BCLAF1: variants seen among roughly 807,000 people sequenced by gnomAD.
BCLAF1 encodes the protein BCL2 associated transcription factor 1.
A neutral mutation model predicts 99.5 loss-of-function variants in BCLAF1; 10 were observed. The ratio of observed to expected loss-of-function variants is 0.10; its 90% CI spans 0.06 to 0.17. The LOEUF (loss-of-function observed/expected upper bound fraction) is 0.17. BCLAF1 is among the 10% of genes least tolerant of loss of function. BCLAF1 has a pLI of 1.00. For missense variants in BCLAF1, 636 were observed against 1,105.8 expected, an observed-to-expected ratio of 0.58 and a Z score of 6.02; for synonymous variants, 255 against 370.9, an observed-to-expected ratio of 0.69 and a Z score of 3.59.
Position 136,266,889 on chromosome 6 carries a change from T to C in BCLAF1, c.2544+140A>G. On this transcript the variant is annotated intron_variant, in intron 11 of 12. Transcript: ENST00000531224. ...CCACATTTTTCAAAATTTCAAATCG[T>C]CTGGGTAATTATTTTAAAAAAGGTT... 1.8e-6 allele frequency: 2 copies of C among 1,113,872 alleles called. 1 individual carries two copies. The highest frequency in any genetic ancestry group is 2.5e-6 in the Non-Finnish European group (2 of 800,858). 69.0% of individuals were successfully genotyped at this position (1,113,872 alleles called of 1,614,324 possible).
At chr6:136,275,042 A>G (rs1404901967) in intron 6 of BCLAF1, among the ~76,000 whole-genome samples, 2 of 152,056 alleles carry the variant, frequency 1.3e-5, no homozygotes, top group South Asian at 2.1e-4. Context: ...ATTTTTATGT[A>G]TAAAAAATTA....
At chr6:136,284,795 C>G (rs1276537268) in intron 1 of BCLAF1, among the ~76,000 whole-genome samples, 1 of 150,892 alleles carries the variant, frequency 6.6e-6, no homozygotes, top group Non-Finnish European at 1.5e-5. Context: ...AGACAGAAAA[C>G]AAGGAAAAAA....
intron 9 of BCLAF1, 101 bp from the exon 10 acceptor site, chr6:136,268,440 C>A (rs963150608): frequency 2.0e-5 from 21 of 1,027,550 alleles, no homozygotes; most frequent in Middle Eastern, 2.1e-4. Flanking sequence ...ACAACACTAT[C>A]CCCTAATAAA....
rs78273316 is a variant in BCLAF1, at chr6:136,286,177, T to G, written c.-114-3490A>C. ...CCACCCAAAATGAATTCTTTAAGAT[T>G]ACTATTTCAAGCATACTTGATCCCA... On this transcript the variant is annotated intron_variant, in intron 1 of 12. Coordinates refer to ENST00000531224, the MANE Select transcript of BCLAF1 (RefSeq NM_014739.3). Among the ~76,000 whole-genome samples the G allele has an allele frequency of 1.8e-3, 274 of 152,290 alleles. 1 individual carries two copies. The highest frequency in any genetic ancestry group is 6.4e-3 in the African/African-American group (264 of 41,552).
Position 136,269,563 on chromosome 6 carries a change from T to C in BCLAF1, c.2093A>G (p.Asp698Gly), listed in dbSNP as rs1309278076. The change falls in exon 9 of 13, where the codon GAT becomes GGT. Residue 698 changes from aspartate to glycine, a missense_variant. This residue lies in a region of BCLAF1 where 180 missense variants were observed against 270.0 expected (regional missense o/e 0.67). Coordinates refer to ENST00000531224, the MANE Select transcript of BCLAF1 (RefSeq NM_014739.3). ...TTTACTTCTTTCTTTTCTACGGCGA[T>C]CAATGTCATGCCGAAGGTCAGCAGA... is the stretch of plus-strand genomic sequence containing the variant. ...CDSADLRHDI[D>G]RRRKERSKER... 2 of 1,612,042 alleles carry C rather than the reference T, an allele frequency of 1.2e-6. No homozygotes were observed. Among genetic ancestry groups the C allele is most frequent in the Admixed American group, 3.4e-5 (2 of 59,674 alleles).
At chr6:136,261,587 G>A (rs1781010868) in intron 11 of BCLAF1, 110 bp from the exon 12 acceptor site, 2 of 1,114,646 alleles carry the variant, frequency 1.8e-6, no homozygotes, top group South Asian at 1.5e-5. Flanking sequence ...ATATGAGATT[G>A]GTAATATTCT....
rs576920613 is a variant in BCLAF1, at chr6:136,289,473, G to A, written c.-115+240C>T. ...GCGCGGGCTGTGGGTCTCCAGGCAG[G>A]TTCGCAAACACGCGCGCGCCCGCCG... On this transcript the variant is annotated intron_variant, in intron 1 of 12. Transcript: ENST00000531224. Among the ~76,000 whole-genome samples the A allele has an allele frequency of 1.1e-4, 16 of 152,118 alleles. No individual in the cohort carries two copies. In the East Asian group the frequency reaches 2.3e-3, roughly 22 times the overall value.
rs760294338 is a variant in BCLAF1 at position 136,269,587 on chromosome 6, G to C, written c.2069C>G (p.Ser690Cys). ...ATCAATGTCATGCCGAAGGTCAGCAGAGTCACACCTTAATTTTTTATCTCC... is the reference window on the plus strand; with the variant it reads ...ATCAATGTCATGCCGAAGGTCAGCACAGTCACACCTTAATTTTTTATCTCC... ...QKGDKKLRCDSADLRHDIDRR... is the reference protein window; with the variant it reads ...QKGDKKLRCDCADLRHDIDRR... The change falls in exon 9 of 13, where the codon TCT (serine) becomes TGT (cysteine). Residue 690 changes from serine (S) to cysteine (C), a missense_variant. By Grantham distance (112) the Ser-to-Cys change is moderately radical. This residue lies in a region of BCLAF1 where 180 missense variants were observed against 270.0 expected (regional missense o/e 0.67). Transcript: ENST00000531224. The C allele has an allele frequency of 6.2e-7, 1 of 1,600,672 alleles. No individual in the cohort carries two copies. Among genetic ancestry groups the C allele is most frequent in the African/African-American group, 1.4e-5 (1 of 73,972 alleles).
chr6:136,287,889 C>G (rs1785366965), intron 1 of BCLAF1, among the ~76,000 whole-genome samples: 1 of 152,104 alleles, frequency 6.6e-6, no homozygotes, highest in Non-Finnish European at 1.5e-5. Flanking sequence ...GGTGTGGTGG[C>G]GGGCGCCTGT....
chr6:136,288,599 T>C (rs1424063020), intron 1 of BCLAF1, among the ~76,000 whole-genome samples: 1 of 152,164 alleles, frequency 6.6e-6, no homozygotes, highest in Non-Finnish European at 1.5e-5. Context: ...AAGTAGCTCA[T>C]CTTTTTCGTC....
At chr6:136,266,535 A>G (rs1781739770) in intron 11 of BCLAF1, among the ~76,000 whole-genome samples, 1 of 152,124 alleles carries the variant, frequency 6.6e-6, no homozygotes, top group Non-Finnish European at 1.5e-5. Context: ...AAATTAGTGT[A>G]TCTAGCAGCA....
intron 8 of BCLAF1, among the ~76,000 whole-genome samples, chr6:136,271,599 C>G (rs1562242728): frequency 6.6e-6 from 1 of 151,850 alleles, no homozygotes; most frequent in African/African-American, 2.4e-5. Flanking sequence ...GGGATTACTT[C>G]TTGTTATCTG....
chr6:136,266,686 T>C (rs993978268), intron 11 of BCLAF1, among the ~76,000 whole-genome samples: 3 of 152,122 alleles, frequency 2.0e-5, no homozygotes, highest in Admixed American at 1.3e-4. Context: ...GGAAGGTACA[T>C]CTTAATGTGA....
At chr6:136,263,709 C>T (rs1453656458) in intron 11 of BCLAF1, among the ~76,000 whole-genome samples, 1 of 152,138 alleles carries the variant, frequency 6.6e-6, no homozygotes, top group Admixed American at 6.6e-5. Context: ...ACCCCCTTCC[C>T]CACCAACGAT....
rs35195968 is a variant in BCLAF1, at chr6:136,256,669, C to CAATA, written c.*4437_*4440dup. ...CTCTAGTCTGGGTAAGACTCCATCTCAATAAATAAATAAATAAATAAATAA... is the reference window on the plus strand; with the variant it reads ...CTCTAGTCTGGGTAAGACTCCATCTCAATAAATAAATAAATAAATAAATAAATAA... On this transcript the variant is annotated 3_prime_UTR_variant, in exon 13 of 13. Transcript: ENST00000531224. 32,004 of 152,406 alleles carry CAATA rather than the reference C, an allele frequency of 0.21. 3,547 individuals carry two copies. Among genetic ancestry groups the CAATA allele is most frequent in the African/African-American group, 0.27 (10,773 of 39,182 alleles). 9.4% of individuals were successfully genotyped at this position (152,406 alleles called of 1,614,324 possible). A position where few individuals can be genotyped will look rare whatever the true frequency, so the allele number is the denominator to read the frequency against.
At chr6:136,284,795 C>A (rs1276537268) in intron 1 of BCLAF1, among the ~76,000 whole-genome samples, 1 of 150,892 alleles carries the variant, frequency 6.6e-6, no homozygotes, top group Non-Finnish European at 1.5e-5. Context: ...AGACAGAAAA[C>A]AAGGAAAAAA....
At chr6:136,268,500 C>T (rs1782056520) in intron 9 of BCLAF1, 161 bp from the exon 10 acceptor site, 1 of 669,284 alleles carries the variant, frequency 1.5e-6, no homozygotes. Flanking sequence ...AGTCTGTTTC[C>T]ATTCTCCTTC....
Position 136,278,676 on chromosome 6 carries a change from G to T in BCLAF1, c.205C>A (p.Arg69=), listed in dbSNP as rs201790829. ...CCCCTTCCTCTGTACCCATAAGGTC[G>T]TCTCATTCCTCTATTATTTCTGTAA... The part of the protein sequence containing the change: ...RDYRNNRGMR[R]PYGYRGRGRG... The change falls in exon 4 of 13, where the codon CGA becomes AGA. Residue 69 remains arginine (R), a synonymous_variant. Transcript: ENST00000531224. 1 of 1,613,028 alleles carries T rather than the reference G, an allele frequency of 6.2e-7. No homozygotes were observed. Among genetic ancestry groups the T allele is most frequent in the Non-Finnish European group, 8.5e-7 (1 of 1,179,826 alleles).
intron 11 of BCLAF1, among the ~76,000 whole-genome samples, chr6:136,263,931 C>CA (rs1189466876): frequency 6.6e-6 from 1 of 152,168 alleles, no homozygotes; most frequent in Non-Finnish European, 1.5e-5. Context: ...AAGAATGCAA[C>CA]AAAGATTACT....
Sources: allele counts gnomAD v4.1 joint callset (sites outside exome capture counted in the v4.1 genomes callset), GRCh38; gene constraint gnomAD v4.1.1; regional missense constraint gnomAD v4.1.1; transcripts MANE v1.5; gene names NCBI Gene and HGNC (gene_info 2026-07-23, HGNC 2026-07-21).